Variants in ACVR2B observed in about 807,000 individuals in gnomAD.
The protein encoded by ACVR2B is activin A receptor type 2B, also known as activin receptor type-2B.
Under a neutral mutation model 65.1 loss-of-function variants are expected in ACVR2B, and 18 were observed. The ratio of observed to expected loss-of-function variants is 0.28; its 90% CI spans 0.19 to 0.41. ACVR2B has a LOEUF of 0.41. Among genes scored for constraint, ACVR2B ranks in the 10% least tolerant of loss-of-function variants. The pLI is 1.00. For missense variants in ACVR2B, 482 were observed against 682.7 expected, an observed-to-expected ratio of 0.71 and a Z score of 3.28; for synonymous variants, 298 against 277.7, an observed-to-expected ratio of 1.07 and a Z score of -0.73.
At position 38,488,039 on chromosome 3, in the gene ACVR2B, C is replaced by G. The variant is rs1710151605; in HGVS notation, c.*4707C>G. On this transcript the variant is annotated 3_prime_UTR_variant, in exon 11 of 11. Transcript: ENST00000352511. ...CTACCCTTCATCCTGGGCGAACAGC[C>G]AAAAAGAGAAGGGGACAAGGTGTCT... 2.0e-5 allele frequency: 3 copies of G among 152,108 alleles called. No homozygotes were observed. The highest frequency in any genetic ancestry group is 1.3e-4 in the Admixed American group (2 of 15,282). The allele number at this position is 152,108 out of a possible 1,614,324, so 9.4% of individuals were successfully genotyped here.
At chr3:38,462,218 C>CAAAT (rs530696973) in intron 1 of ACVR2B, among the ~76,000 whole-genome samples, 42 of 151,894 alleles carry the variant, frequency 2.8e-4, no homozygotes, top group African/African-American at 4.1e-4. Flanking sequence ...AATAAACAAA[C>CAAAT]AAATAAATAA....
Position 38,479,879 on chromosome 3 carries a change from G to T in ACVR2B, c.959+53G>T, listed in dbSNP as rs1338727180. On this transcript the variant is annotated intron_variant, in intron 7 of 10. Coordinates refer to ENST00000352511, the MANE Select transcript of ACVR2B (RefSeq NM_001106.4). ...GCACTTGACCTGGAGCTGTGGGAAG[G>T]GTTGGTGGGCGAGAGCAGTGTCTGG... The T allele has an allele frequency of 2.5e-6, 4 of 1,600,220 alleles. No individual in the cohort carries two copies. The African/African-American group carries it at 4.0e-5, about 16-fold the overall frequency.
chr3:38,473,268 C>T (rs1709850316), intron 1 of ACVR2B, among the ~76,000 whole-genome samples: 1 of 152,124 alleles, frequency 6.6e-6, no homozygotes, highest in South Asian at 2.1e-4. Context: ...TGTCTGGGGG[C>T]CATGCTCACT....
In ACVR2B at chr3:38,482,579, G is replaced by A; in HGVS notation, c.1344+19G>A. The stretch of plus-strand genomic sequence containing the variant: ...ACACCCGGTAAGGGGCCTGGTTCAG[G>A]CAACTTTGCAGGGGGGTGGAGAAGG... On this transcript the variant is annotated intron_variant, in intron 10 of 10. Coordinates refer to ENST00000352511, the MANE Select transcript of ACVR2B (RefSeq NM_001106.4). 1 of 1,607,266 alleles carries A rather than the reference G, an allele frequency of 6.2e-7. No individual in the cohort carries two copies. The highest frequency in any genetic ancestry group is 8.5e-7 in the Non-Finnish European group (1 of 1,178,136).
intron 1 of ACVR2B, among the ~76,000 whole-genome samples, chr3:38,464,136 G>T (rs1709692617): frequency 6.6e-6 from 1 of 152,206 alleles, no homozygotes; most frequent in Admixed American, 6.5e-5. Context: ...TATGAATTTT[G>T]GTGGGACTCA....
intron 1 of ACVR2B, chr3:38,476,901 T>C (rs1709919421): frequency 5.8e-6 from 2 of 343,170 alleles, no homozygotes; most frequent in African/African-American, 4.1e-5. Flanking sequence ...CATCGGTTTC[T>C]GCTGCAGCAG....
chr3:38,480,456 C>T (rs960801948), intron 7 of ACVR2B, among the ~76,000 whole-genome samples: 1 of 152,088 alleles, frequency 6.6e-6, no homozygotes. Flanking sequence ...CCTTCATTAC[C>T]GCCCATTGAG....
chr3:38,478,572 T>C, intron 5 of ACVR2B, 54 bp downstream of exon 5: 1 of 1,612,728 alleles, frequency 6.2e-7, no homozygotes, highest in Non-Finnish European at 8.5e-7. Context: ...TAGCTTGAAC[T>C]GGAGGCTCTC....
chr3:38,457,898 C>A (rs977761687), intron 1 of ACVR2B, among the ~76,000 whole-genome samples: 1 of 152,152 alleles, frequency 6.6e-6, no homozygotes. Flanking sequence ...GGCTACAGAG[C>A]CATGGGCCGT....
At chr3:38,463,321 C>T (rs1212373587) in intron 1 of ACVR2B, among the ~76,000 whole-genome samples, 5 of 152,212 alleles carry the variant, frequency 3.3e-5, no homozygotes, top group African/African-American at 1.2e-4. Context: ...AAGCCCACTG[C>T]ATTTGACAAA....
chr3:38,478,332 G>C, intron 4 of ACVR2B, 40 bp downstream of exon 4: 1 of 1,614,074 alleles, frequency 6.2e-7, no homozygotes, highest in Non-Finnish European at 8.5e-7. Flanking sequence ...GGATAGAGGT[G>C]GGGAGGACAG....
chr3:38,455,562 C>T (rs1329425078), intron 1 of ACVR2B, among the ~76,000 whole-genome samples: 2 of 152,126 alleles, frequency 1.3e-5, no homozygotes, highest in African/African-American at 2.4e-5. Context: ...CCTGGTTCTA[C>T]CTTCTCCTGT....
chr3:38,480,790 G>A (rs923097467), intron 7 of ACVR2B, among the ~76,000 whole-genome samples: 4 of 152,174 alleles, frequency 2.6e-5, no homozygotes, highest in Non-Finnish European at 5.9e-5. Context: ...CCACTCAGTC[G>A]AATCCTCACA....
chr3:38,491,227 C>T lies in ACVR2B; in HGVS notation c.*7895C>T, dbSNP rs763850997. On this transcript the variant is annotated 3_prime_UTR_variant, in exon 11 of 11. Coordinates refer to ENST00000352511, the MANE Select transcript of ACVR2B (RefSeq NM_001106.4). ...TTACCAGTTCAAAAAGTTTAATTAA[C>T]CAGCAGTCACCGCATCTGAATTTTT... 6.6e-6 allele frequency: 1 copy of T among 152,426 alleles called. No homozygotes were observed. The highest frequency in any genetic ancestry group is 1.5e-5 in the Non-Finnish European group (1 of 68,010). 9.4% of individuals were successfully genotyped at this position (152,426 alleles called of 1,614,324 possible).
In ACVR2B at chr3:38,481,324, T is replaced by G. The variant is rs1710014145; in HGVS notation, c.960-27T>G. 6.3e-7 allele frequency: 1 copy of G among 1,580,576 alleles called. No homozygotes were observed. Among genetic ancestry groups the G allele is most frequent in the South Asian group, 1.1e-5 (1 of 90,392 alleles). On this transcript the variant is annotated intron_variant, in intron 7 of 10. Transcript: ENST00000352511. The surrounding 1 kb of genome is among the most constrained non-coding windows in gnomAD (Gnocchi z 4.7). ...TGGGAGTTGGATCATGATGTTAAGC[T>G]TTATCTCTGCCCACTTGTTTCCACA...
chr3:38,477,744 C>T lies in ACVR2B; in HGVS notation c.261-117C>T, dbSNP rs184366497. ...TCCTGTAGGGGAGGTGAGTTCACAC[C>T]GTCCCCCTGGTGTTGCCCATGAGGT... On this transcript the variant is annotated intron_variant, in intron 2 of 10. Coordinates refer to ENST00000352511, the MANE Select transcript of ACVR2B (RefSeq NM_001106.4). The surrounding 1 kb of genome is among the most constrained non-coding windows in gnomAD (Gnocchi z 6.7). 42 of 1,173,416 alleles carry T rather than the reference C, an allele frequency of 3.6e-5. No individual in the cohort carries two copies. In the Admixed American group the frequency reaches 4.9e-4, roughly 14 times the overall value. 72.7% of individuals were successfully genotyped at this position (1,173,416 alleles called of 1,614,324 possible).
chr3:38,455,453 GGGAA>G (rs1709532400), intron 1 of ACVR2B, among the ~76,000 whole-genome samples: 5 of 152,100 alleles, frequency 3.3e-5, no homozygotes, highest in Non-Finnish European at 7.4e-5. Context: ...CCTGGAGTCT[GGGAA>G]ACCCTCGAGG....
At chr3:38,474,736 G>A (rs1311736151) in intron 1 of ACVR2B, 4 of 152,194 alleles carry the variant, frequency 2.6e-5, no homozygotes, top group Non-Finnish European at 5.9e-5. Context: ...GCAACAACAG[G>A]CCATTAGTCA....
intron 1 of ACVR2B, among the ~76,000 whole-genome samples, chr3:38,465,646 T>C (rs971663420): frequency 3.3e-5 from 5 of 151,936 alleles, no homozygotes; most frequent in African/African-American, 1.2e-4. Context: ...GGCAGAAAGA[T>C]GGATAATAAC....
Sources: allele counts gnomAD v4.1 joint callset (sites outside exome capture counted in the v4.1 genomes callset), GRCh38; gene constraint gnomAD v4.1.1; non-coding constraint Gnocchi (gnomAD v3.1); transcripts MANE v1.5; gene names NCBI Gene and HGNC (gene_info 2026-07-23, HGNC 2026-07-21).